The following MLLT10 variants were observed in gnomAD, a reference collection of about 807,000 sequenced individuals.
MLLT10 encodes protein AF-10.
In MLLT10, 30 loss-of-function variants were observed where a neutral mutation model predicts 129.1. The ratio of observed to expected loss-of-function variants is 0.23; its 90% CI spans 0.17 to 0.32. The LOEUF is 0.32. Ranked by LOEUF, MLLT10 falls within the 10% of genes least tolerant of loss-of-function variation. The pLI, the probability that MLLT10 is intolerant of heterozygous loss-of-function variation, is 1.00. For synonymous variants in MLLT10, 490 were observed against 446.4 expected (o/e 1.10, Z -1.23); for missense variants, 1,119 against 1,268.3 (o/e 0.88, Z 1.79).
rs1318004203 is a variant in MLLT10 at position 21,689,318 on chromosome 10, T to C, written c.1699+7061T>C. On this transcript the variant is annotated intron_variant, in intron 13 of 22. Transcript: ENST00000307729. ...ACATATATGTAATAATTTCAAGGGATGTACTTACAACTTCTTTAATGGTCA... is the reference window on the plus strand; with the variant it reads ...ACATATATGTAATAATTTCAAGGGACGTACTTACAACTTCTTTAATGGTCA... 2.6e-5 allele frequency among the ~76,000 whole-genome samples: 4 copies of C among 151,958 alleles called. No individual in the cohort carries two copies. The South Asian group carries it at 8.3e-4, about 31-fold the overall frequency.
Position 21,742,001 on chromosome 10 carries a change from GA to G in MLLT10, c.*21del. On this transcript the variant is annotated 3_prime_UTR_variant, in exon 23 of 23. Transcript: ENST00000307729. ...AAAGTTGACACCTGAGAAACATCTA[GA>G]AATTGCCTATCCTGCTGTTCTAGCA... 1.9e-6 allele frequency: 3 copies of G among 1,611,832 alleles called. No homozygotes were observed. Among genetic ancestry groups the G allele is most frequent in the Non-Finnish European group, 2.5e-6 (3 of 1,179,386 alleles).
intron 8 of MLLT10, among the ~76,000 whole-genome samples, chr10:21,621,700 C>G (rs181566552): frequency 4.4e-4 from 67 of 151,824 alleles, no homozygotes; most frequent in Non-Finnish European, 6.9e-4. Flanking sequence ...ACCCCTGCCT[C>G]CCATGCACTG....
intron 8 of MLLT10, among the ~76,000 whole-genome samples, chr10:21,643,317 GCCACCGCGC>G (rs2048192237): frequency 6.6e-6 from 1 of 152,194 alleles, no homozygotes; most frequent in South Asian, 2.1e-4. Flanking sequence ...ACAGGTGTGA[GCCACCGCGC>G]CCTGACAGGG....
At chr10:21,560,840 G>A (rs11012737) in intron 3 of MLLT10, among the ~76,000 whole-genome samples, 34,771 of 151,890 alleles carry the variant, frequency 0.23, 5,042 homozygotes, top group Middle Eastern at 0.45. Context: ...AGTGATACAA[G>A]CATCTTTTCA....
Position 21,699,143 on chromosome 10 carries a change from G to T in MLLT10, c.1700-14629G>T, listed in dbSNP as rs897980310. Among the ~76,000 whole-genome samples, 4 of 152,072 alleles carry T rather than the reference G, an allele frequency of 2.6e-5. No homozygotes were observed. The South Asian group carries it at 8.3e-4, about 31-fold the overall frequency. On this transcript the variant is annotated intron_variant, in intron 13 of 22. Coordinates refer to ENST00000307729, the MANE Select transcript of MLLT10 (RefSeq NM_001195626.3). ...ACCCGCCTCGGCCTCCCAAAGTGCT[G>T]GGATTACAGGTGTGAGCCACCGTGC...
intron 9 of MLLT10, 142 bp from the exon 10 acceptor site, chr10:21,670,307 T>G: frequency 1.5e-6 from 1 of 679,214 alleles, no homozygotes; most frequent in Non-Finnish European, 2.2e-6. Context: ...TTGGATGATT[T>G]TCTTAGGTGA....
At chr10:21,594,673 G>A (rs746197753) in intron 4 of MLLT10, among the ~76,000 whole-genome samples, 5 of 150,080 alleles carry the variant, frequency 3.3e-5, no homozygotes, top group African/African-American at 7.4e-5. Flanking sequence ...ATTCTTTTCC[G>A]GTTTTAGCCC....
At chr10:21,598,913 C>T (rs1405106461) in intron 5 of MLLT10, among the ~76,000 whole-genome samples, 6 of 151,888 alleles carry the variant, frequency 4.0e-5, no homozygotes, top group South Asian at 4.2e-4. Context: ...GGCCTGCTGA[C>T]TCACGCCTGT....
chr10:21,569,822 GGCCTTGACCTCCTCCT>G (rs2040006937), intron 3 of MLLT10, among the ~76,000 whole-genome samples: 1 of 152,102 alleles, frequency 6.6e-6, no homozygotes. Flanking sequence ...GGCTCACTAT[GGCCTTGACCTCCTCCT>G]GCCTTAGCCT....
At chr10:21,550,459 G>C (rs1444329027) in intron 3 of MLLT10, among the ~76,000 whole-genome samples, 1 of 152,168 alleles carries the variant, frequency 6.6e-6, no homozygotes, top group Non-Finnish European at 1.5e-5. Flanking sequence ...GTCATAGTCA[G>C]TCCTACCCTC....
intron 13 of MLLT10, chr10:21,688,613 C>A: frequency 7.7e-7 from 1 of 1,303,736 alleles, no homozygotes; most frequent in South Asian, 1.3e-5. Flanking sequence ...GAAACCTTCC[C>A]ATACAAACCA....
intron 13 of MLLT10, among the ~76,000 whole-genome samples, chr10:21,686,696 C>T (rs142373081): frequency 0.013 from 2,036 of 152,114 alleles, 51 homozygotes; most frequent in African/African-American, 0.047. Context: ...ATAATATTTC[C>T]TTGGGGCCGT....
intron 3 of MLLT10, among the ~76,000 whole-genome samples, chr10:21,552,549 G>A (rs1390060637): frequency 2.6e-5 from 4 of 151,590 alleles, no homozygotes; most frequent in Middle Eastern, 3.4e-3. Context: ...CTGCCACCAC[G>A]CCTGGCTAGT....
chr10:21,558,210 C>T (rs569351276), intron 3 of MLLT10, among the ~76,000 whole-genome samples: 24 of 152,150 alleles, frequency 1.6e-4, no homozygotes, highest in Non-Finnish European at 2.1e-4. Flanking sequence ...CTCGACCTCC[C>T]AAAGTGCTGG....
chr10:21,708,915 C>G (rs998986454), intron 13 of MLLT10, among the ~76,000 whole-genome samples: 2 of 152,130 alleles, frequency 1.3e-5, no homozygotes, highest in African/African-American at 4.8e-5. Flanking sequence ...TTAAAACTTA[C>G]TCTGTGGTAG....
chr10:21,730,175 T>G (rs1158644858), intron 16 of MLLT10, among the ~76,000 whole-genome samples: 2 of 151,886 alleles, frequency 1.3e-5, no homozygotes, highest in African/African-American at 4.8e-5. Flanking sequence ...GCTCTTGTGG[T>G]CCCAGCTGCT....
At chr10:21,717,620 TTCC>T (rs776745862) in intron 14 of MLLT10, among the ~76,000 whole-genome samples, 1,716 of 104,140 alleles carry the variant, frequency 0.016, 29 homozygotes, top group Non-Finnish European at 0.025. Context: ...CTTCCTCCTC[TTCC>T]TCCTCCTCCT....
At chr10:21,736,417 T>A (rs139373023) in intron 21 of MLLT10, among the ~76,000 whole-genome samples, 1 of 152,158 alleles carries the variant, frequency 6.6e-6, no homozygotes, top group African/African-American at 2.4e-5. Context: ...CCCGAGTAGC[T>A]GGGACTACAG....
At chr10:21,618,743 C>A (rs1245619215) in intron 8 of MLLT10, among the ~76,000 whole-genome samples, 1 of 151,528 alleles carries the variant, frequency 6.6e-6, no homozygotes, top group African/African-American at 2.4e-5. Context: ...AAACGATTCT[C>A]GTGTCTCAGC....
Sources: gnomAD v4.1 joint callset for allele counts (sites outside exome capture counted in the v4.1 genomes callset) on GRCh38, gnomAD v4.1.1 for gene constraint, MANE v1.5 for transcripts, NCBI Gene and HGNC (gene_info 2026-07-23, HGNC 2026-07-21) for gene names.